CNOT6: variants seen among roughly 807,000 people sequenced by gnomAD.
The protein encoded by CNOT6 is CCR4-NOT transcription complex subunit 6.
Under a neutral mutation model 61.2 loss-of-function variants are expected in CNOT6, and 12 were observed. The ratio of observed to expected loss-of-function variants is 0.20; its 90% CI spans 0.13 to 0.32. The LOEUF is 0.32. Among genes scored for constraint, CNOT6 ranks in the 10% least tolerant of loss-of-function variants. The probability of loss-of-function intolerance (pLI) is 1.00; values close to 1 mark genes in which losing one functional copy is unlikely to be tolerated. For synonymous variants in CNOT6, 225 were observed against 240.6 expected (o/e 0.94, Z 0.60); for missense variants, 405 against 663.9 (o/e 0.61, Z 4.28).
intron 1 of CNOT6, among the ~76,000 whole-genome samples, chr5:180,515,870 A>G (rs958684623): frequency 6.6e-6 from 1 of 152,208 alleles, no homozygotes; most frequent in Admixed American, 6.5e-5. Context: ...TGAAAAGCAT[A>G]GTAAAAGGAG....
chr5:180,497,433 G>A (rs1756664605), intron 1 of CNOT6, among the ~76,000 whole-genome samples: 1 of 151,862 alleles, frequency 6.6e-6, no homozygotes, highest in African/African-American at 2.4e-5. Flanking sequence ...TAGTGCAACA[G>A]AAAAGGATAA....
chr5:180,541,440 A>ATTTTTTTTTTTTTTTTTTTTTTTTT lies in CNOT6; in HGVS notation c.113-8491_113-8490insTTTTTTTTTTTTTTTTTTTTTTTTT, dbSNP rs1176286473. The stretch of plus-strand genomic sequence containing the variant: ...CATGAACCACCACAACTGGCCAAGA[A>ATTTTTTTTTTTTTTTTTTTTTTTTT]ATTTTTTTTTTTTTTTTTTTTTTTT... On this transcript the variant is annotated intron_variant, in intron 2 of 11. Transcript: ENST00000261951. 5.8e-5 allele frequency among the ~76,000 whole-genome samples: 6 copies of ATTTTTTTTTTTTTTTTTTTTTTTTT among 102,928 alleles called. 3 individuals carry two copies. Among genetic ancestry groups the ATTTTTTTTTTTTTTTTTTTTTTTTT allele is most frequent in the Non-Finnish European group, 3.9e-5 (2 of 50,970 alleles). The allele number at this position is 102,928 out of a possible 152,430, so 67.5% of individuals were successfully genotyped here. A position where few individuals can be genotyped will look rare whatever the true frequency, so the allele number is the denominator to read the frequency against.
chr5:180,570,207 A>C (rs1386166404), intron 10 of CNOT6, among the ~76,000 whole-genome samples: 2 of 152,148 alleles, frequency 1.3e-5, no homozygotes, highest in African/African-American at 4.8e-5. Flanking sequence ...AAAATACAAA[A>C]ATTAGCCAGG....
chr5:180,553,840 G>A (rs948841075), intron 4 of CNOT6, among the ~76,000 whole-genome samples: 4 of 152,070 alleles, frequency 2.6e-5, no homozygotes, highest in Admixed American at 1.3e-4. Flanking sequence ...ACAGGAAGTC[G>A]AAAATGTTGA....
At chr5:180,521,081 C>G (rs757566234) in intron 1 of CNOT6, among the ~76,000 whole-genome samples, 1 of 152,046 alleles carries the variant, frequency 6.6e-6, no homozygotes, top group East Asian at 1.9e-4. Context: ...TCAGACAGTC[C>G]GCCTGCCTTG....
At chr5:180,517,370 C>G (rs1757682865) in intron 1 of CNOT6, among the ~76,000 whole-genome samples, 1 of 152,118 alleles carries the variant, frequency 6.6e-6, no homozygotes, top group African/African-American at 2.4e-5. Context: ...CTCAAGCTAT[C>G]TGCTCACCTC....
intron 2 of CNOT6, among the ~76,000 whole-genome samples, chr5:180,535,988 G>GTTTTTTT (rs756489493): frequency 3.2e-5 from 2 of 62,444 alleles, no homozygotes; most frequent in East Asian, 6.6e-4. Flanking sequence ...ACTTATTAGG[G>GTTTTTTT]TTTTTTTTTT....
intron 2 of CNOT6, among the ~76,000 whole-genome samples, chr5:180,548,396 C>T (rs971559722): frequency 1.3e-5 from 2 of 152,166 alleles, no homozygotes; most frequent in Non-Finnish European, 2.9e-5. Flanking sequence ...GATCAATACC[C>T]TGTTGACAAC....
chr5:180,503,939 G>A (rs1226488436), intron 1 of CNOT6, among the ~76,000 whole-genome samples: 1 of 152,110 alleles, frequency 6.6e-6, no homozygotes, highest in Non-Finnish European at 1.5e-5. Flanking sequence ...ATGGTATTAT[G>A]ACTTGGAATG....
In CNOT6 at chr5:180,575,517, G is replaced by GA. The variant is rs1371545451; in HGVS notation, c.*1319dup. ...TAAGAAGAAGTAATTTTCCATTTAT[G>GA]AAGCAGTATGAATTAGATGTATTTT... is the stretch of plus-strand genomic sequence containing the variant. On this transcript the variant is annotated 3_prime_UTR_variant, in exon 12 of 12. Transcript: ENST00000261951. 1 of 152,350 alleles carries GA rather than the reference G, an allele frequency of 6.6e-6. No individual in the cohort carries two copies. Among genetic ancestry groups the GA allele is most frequent in the Non-Finnish European group, 1.5e-5 (1 of 68,028 alleles). 9.4% of individuals were successfully genotyped at this position (152,350 alleles called of 1,614,324 possible). A position where few individuals can be genotyped will look rare whatever the true frequency, so the allele number is the denominator to read the frequency against.
chr5:180,524,266 T>A (rs992418154), intron 1 of CNOT6, among the ~76,000 whole-genome samples: 2 of 152,190 alleles, frequency 1.3e-5, no homozygotes, highest in Non-Finnish European at 2.9e-5. Flanking sequence ...ACTATACTTT[T>A]TAGAGAGCAA....
At chr5:180,528,889 G>A (rs1404293507) in intron 1 of CNOT6, among the ~76,000 whole-genome samples, 2 of 152,048 alleles carry the variant, frequency 1.3e-5, no homozygotes, top group East Asian at 1.9e-4. Context: ...GTGGGAAATG[G>A]TAGAGATTGT....
chr5:180,542,267 AT>A (rs796918574), intron 2 of CNOT6, among the ~76,000 whole-genome samples: 378 of 140,432 alleles, frequency 2.7e-3, no homozygotes, highest in Admixed American at 2.6e-3. Context: ...TGGGCTACCA[AT>A]TTTTTTTTTT....
rs1036487949 is a variant in CNOT6, at chr5:180,577,810, A to G, written c.*3610A>G. On this transcript the variant is annotated 3_prime_UTR_variant, in exon 12 of 12. Transcript: ENST00000261951. The stretch of plus-strand genomic sequence containing the variant: ...GAGGGTGATGGGAACTGAATAAACC[A>G]TACGGACTGGCAGTAACAAGGGCTT... The G allele has an allele frequency of 6.6e-6, 1 of 152,668 alleles. No individual in the cohort carries two copies. The highest frequency in any genetic ancestry group is 1.5e-5 in the Non-Finnish European group (1 of 68,052). 9.5% of individuals were successfully genotyped at this position (152,668 alleles called of 1,614,324 possible). A position where few individuals can be genotyped will look rare whatever the true frequency, so the allele number is the denominator to read the frequency against.
intron 1 of CNOT6, among the ~76,000 whole-genome samples, chr5:180,522,349 G>C (rs1379901842): frequency 1.3e-5 from 2 of 152,052 alleles, no homozygotes; most frequent in Middle Eastern, 3.2e-3. Context: ...TCTTGGCTCA[G>C]GTGATCCGCC....
chr5:180,519,978 C>T (rs186648743), intron 1 of CNOT6, among the ~76,000 whole-genome samples: 2 of 151,970 alleles, frequency 1.3e-5, no homozygotes, highest in Admixed American at 1.3e-4. Flanking sequence ...GAATTATAGG[C>T]ATGTGCCACC....
At chr5:180,510,957 A>G (rs1043561779) in intron 1 of CNOT6, among the ~76,000 whole-genome samples, 8 of 152,108 alleles carry the variant, frequency 5.3e-5, no homozygotes, top group African/African-American at 1.9e-4. Context: ...GGCACCTGCC[A>G]CCATTCCCGG....
intron 3 of CNOT6, among the ~76,000 whole-genome samples, chr5:180,552,075 G>A (rs186746863): frequency 1.8e-3 from 276 of 151,722 alleles, no homozygotes; most frequent in African/African-American, 6.3e-3. Context: ...CACCATGTTG[G>A]CCAGGCTAGT....
intron 1 of CNOT6, among the ~76,000 whole-genome samples, chr5:180,518,008 CCCTCTCTCCT>C (rs11278060): frequency 0.46 from 69,402 of 151,718 alleles, 17,029 homozygotes; most frequent in Non-Finnish European, 0.56. Context: ...CCCCATCTCC[CCCTCTCTCCT>C]CGTCTTGATT....
Sources: gnomAD v4.1 joint callset for allele counts (sites outside exome capture counted in the v4.1 genomes callset) on GRCh38, gnomAD v4.1.1 for gene constraint, MANE v1.5 for transcripts, NCBI Gene and HGNC (gene_info 2026-07-23, HGNC 2026-07-21) for gene names.